Variants in PDIA6 observed in about 807,000 individuals in gnomAD.
The protein encoded by PDIA6 is protein disulfide isomerase family A member 6.
Under a neutral mutation model 58.4 loss-of-function variants are expected in PDIA6, and 29 were observed. That is an observed-to-expected ratio of 0.50 (90% CI 0.37 to 0.68). The LOEUF (loss-of-function observed/expected upper bound fraction) is 0.68, where lower values mean the gene tolerates loss of function less well. Among genes scored for constraint, PDIA6 ranks in the 30% least tolerant of loss-of-function variants. The pLI is 0.00. For synonymous variants in PDIA6, 192 were observed against 202.6 expected (o/e 0.95, Z 0.44); for missense variants, 480 against 551.0 (o/e 0.87, Z 1.29).
intron 7 of PDIA6, 52 bp downstream of exon 7, chr2:10,790,667 T>C (rs1408710179): frequency 7.6e-7 from 1 of 1,319,188 alleles, no homozygotes; most frequent in Admixed American, 1.7e-5. Flanking sequence ...TTGGAAGAAG[T>C]AACGAAACAC....
intron 1 of PDIA6, among the ~76,000 whole-genome samples, chr2:10,807,899 C>T (rs1666829033): frequency 6.6e-6 from 1 of 152,130 alleles, no homozygotes; most frequent in African/African-American, 2.4e-5. Context: ...AGGTCTAGAC[C>T]AAATGGCCCA....
At chr2:10,823,353 T>C (rs1667457322) in intron 1 of PDIA6, 1 of 152,162 alleles carries the variant, frequency 6.6e-6, no homozygotes, top group African/African-American at 2.4e-5. Context: ...TCCCAGGAGG[T>C]TACTTCTAAA....
chr2:10,800,164 C>A (rs1167651140), intron 2 of PDIA6, among the ~76,000 whole-genome samples: 1 of 152,136 alleles, frequency 6.6e-6, no homozygotes, highest in Non-Finnish European at 1.5e-5. Context: ...TCATTTATGC[C>A]CATCACTATT....
Position 10,791,715 on chromosome 2 carries a change from A to C in PDIA6, c.584+80T>G, listed in dbSNP as rs189353859. 1.8e-5 allele frequency: 23 copies of C among 1,279,518 alleles called. No individual in the cohort carries two copies. The African/African-American group carries it at 3.4e-4, about 19-fold the overall frequency. The allele number at this position is 1,279,518 out of a possible 1,614,324, so 79.3% of individuals were successfully genotyped here. ...AGATCTTAGTGGTGATCTATTATCT[A>C]CTTCAGCTCTTTCAAAATAAGCTAA... is the stretch of plus-strand genomic sequence containing the variant. On this transcript the variant is annotated intron_variant, in intron 6 of 12. Transcript: ENST00000272227.
intron 1 of PDIA6, among the ~76,000 whole-genome samples, chr2:10,820,442 G>A (rs1667349933): frequency 1.3e-5 from 2 of 152,174 alleles, no homozygotes; most frequent in African/African-American, 4.8e-5. Flanking sequence ...CTGTACACGT[G>A]TTAACAAAGA....
intron 1 of PDIA6, among the ~76,000 whole-genome samples, chr2:10,831,521 TC>T (rs1282201406): frequency 6.6e-6 from 1 of 152,186 alleles, no homozygotes; most frequent in Non-Finnish European, 1.5e-5. Context: ...GGGCAGGTCA[TC>T]GGTCAGACCT....
chr2:10,823,528 T>A (rs1667462940), intron 1 of PDIA6: 1 of 152,246 alleles, frequency 6.6e-6, no homozygotes, highest in South Asian at 2.1e-4. Context: ...CAAATCTCAT[T>A]GGGTTCTCTT....
At chr2:10,822,633 A>G (rs555648636) in intron 1 of PDIA6, among the ~76,000 whole-genome samples, 28 of 152,362 alleles carry the variant, frequency 1.8e-4, no homozygotes, top group African/African-American at 6.5e-4. Flanking sequence ...GGACTCATTG[A>G]TAAGGAGGCA....
chr2:10,788,887 T>C lies in PDIA6; in HGVS notation c.925+10A>G, dbSNP rs1049421534. On this transcript the variant is annotated intron_variant, in intron 9 of 12. Transcript: ENST00000272227. ...GAACAGCTAAGGGAAATCATTTCCG[T>C]CTGTCTTACCAGTATCAAGGATATG... is the stretch of plus-strand genomic sequence containing the variant. 2 of 1,608,440 alleles carry C rather than the reference T, an allele frequency of 1.2e-6. No individual in the cohort carries two copies. The highest frequency in any genetic ancestry group is 1.7e-6 in the Non-Finnish European group (2 of 1,174,794).
upstream of PDIA6, among the ~76,000 whole-genome samples, chr2:10,817,194 T>A (rs965907990): frequency 1.3e-5 from 2 of 152,228 alleles, no homozygotes; most frequent in African/African-American, 4.8e-5. Flanking sequence ...AGGCTAACCT[T>A]GATTACTCTC....
intron 2 of PDIA6, among the ~76,000 whole-genome samples, chr2:10,800,510 C>T (rs1666457303): frequency 7.4e-6 from 1 of 135,756 alleles, no homozygotes; most frequent in Non-Finnish European, 1.7e-5. Flanking sequence ...TTTCAATAAT[C>T]ATATTTCCAT....
intron 1 of PDIA6, among the ~76,000 whole-genome samples, chr2:10,828,035 A>G (rs1667598388): frequency 6.6e-6 from 1 of 152,000 alleles, no homozygotes; most frequent in Non-Finnish European, 1.5e-5. Context: ...CCACACACAC[A>G]GCCTTCCCCA....
intron 5 of PDIA6, among the ~76,000 whole-genome samples, 166 bp downstream of exon 5, chr2:10,792,930 G>C (rs545012298): frequency 1.3e-5 from 2 of 152,228 alleles, no homozygotes; most frequent in African/African-American, 4.8e-5. Flanking sequence ...AAATGAGCAG[G>C]CTGGAGGGCT....
At chr2:10,812,815 C>T (rs547858555), upstream of PDIA6, 504 of 1,187,490 alleles carry the variant, frequency 4.2e-4, 2 homozygotes, top group East Asian at 0.016. Flanking sequence ...GTCCGAGGGG[C>T]GGCCGCGCGG....
At chr2:10,795,825 C>T (rs1734339) in intron 4 of PDIA6, among the ~76,000 whole-genome samples, 151,369 of 152,248 alleles carry the variant, frequency 0.99, 75,254 homozygotes, top group Middle Eastern at 1. Flanking sequence ...TCTTTTACTA[C>T]GATGTTGATG....
At chr2:10,836,141 C>A (rs1667828168), upstream of PDIA6, among the ~76,000 whole-genome samples, 1 of 152,110 alleles carries the variant, frequency 6.6e-6, no homozygotes, top group Non-Finnish European at 1.5e-5. Flanking sequence ...GGGGTGCCAC[C>A]ACCAGTGATG....
At chr2:10,797,863 A>G in intron 2 of PDIA6, 106 bp from the exon 3 acceptor site, 1 of 824,050 alleles carries the variant, frequency 1.2e-6, no homozygotes, top group South Asian at 1.6e-5. Context: ...ATTGAATGAG[A>G]TGCCTGCAAA....
At chr2:10,825,715 C>T (rs1331103559) in intron 1 of PDIA6, among the ~76,000 whole-genome samples, 2 of 152,130 alleles carry the variant, frequency 1.3e-5, no homozygotes, top group Non-Finnish European at 2.9e-5. Context: ...GCCAATAAAG[C>T]ACATGAAAAG....
intron 2 of PDIA6, among the ~76,000 whole-genome samples, chr2:10,798,570 A>G (rs113281972): frequency 9.4e-5 from 6 of 63,686 alleles, no homozygotes; most frequent in Non-Finnish European, 1.7e-4. Context: ...TCTGTCCCCC[A>G]CCCAAAAAAA....
Sources: allele counts gnomAD v4.1 joint callset (sites outside exome capture counted in the v4.1 genomes callset), GRCh38; gene constraint gnomAD v4.1.1; transcripts MANE v1.5; gene names NCBI Gene and HGNC (gene_info 2026-07-23, HGNC 2026-07-21).